The following CHRNB1 variants were observed in gnomAD, a reference collection of about 807,000 sequenced individuals.
The protein encoded by CHRNB1 is acetylcholine receptor subunit beta.
A neutral mutation model predicts 53.8 loss-of-function variants in CHRNB1; 47 were observed. The ratio of observed to expected loss-of-function variants is 0.87; its 90% CI spans 0.69 to 1.11. The LOEUF is 1.11. Among genes scored for constraint, CHRNB1 ranks in the 50% most tolerant of loss-of-function variants. The pLI, the probability that CHRNB1 is intolerant of heterozygous loss-of-function variation, is 0.00. For missense variants in CHRNB1, 605 were observed against 654.9 expected (o/e 0.92, Z 0.83); for synonymous variants, 259 against 263.5 (o/e 0.98, Z 0.16).
Position 7,448,647 on chromosome 17 carries a change from G to C in CHRNB1, c.679G>C (p.Gly227Arg). Residue 227 changes from glycine to arginine, a missense_variant, in exon 7 of 11, where the codon GGG (glycine) becomes CGG (arginine). Physicochemically the swap from Gly to Arg is moderately radical, Grantham distance 125 (BLOSUM62 -2). Transcript: ENST00000306071. ...LIQPPGDPRG[G>R]REGQRQEVIF... ...CCAGCCTCCAGGCGATCCTAGGGGAGGGAGGGAAGGACAGCGCCAGGAAGT... is the reference window on the plus strand; with the variant it reads ...CCAGCCTCCAGGCGATCCTAGGGGACGGAGGGAAGGACAGCGCCAGGAAGT... 6.2e-7 allele frequency: 1 copy of C among 1,614,132 alleles called. No individual in the cohort carries two copies. The highest frequency in any genetic ancestry group is 1.6e-4 in the Middle Eastern group (1 of 6,062).
At chr17:7,456,399 C>A (rs983750366) in intron 10 of CHRNB1, among the ~76,000 whole-genome samples, 184 bp from the exon 11 acceptor site, 1 of 152,078 alleles carries the variant, frequency 6.6e-6, no homozygotes, top group Non-Finnish European at 1.5e-5. Flanking sequence ...GGTCCCACCC[C>A]CTGCTTACCT....
chr17:7,449,548 C>T (rs1377521093), intron 7 of CHRNB1, among the ~76,000 whole-genome samples: 1 of 151,584 alleles, frequency 6.6e-6, no homozygotes, highest in African/African-American at 2.4e-5. Context: ...ACTGAGACCA[C>T]AAGCACCCAC....
At chr17:7,449,466 G>T (rs992225746) in intron 7 of CHRNB1, among the ~76,000 whole-genome samples, 1 of 143,876 alleles carries the variant, frequency 7.0e-6, no homozygotes, top group African/African-American at 2.6e-5. Flanking sequence ...GGAGTGCAGT[G>T]GTGTGATCAT....
Position 7,457,311 on chromosome 17 carries a change from C to G in CHRNB1, c.*588C>G, listed in dbSNP as rs1236122993. On this transcript the variant is annotated 3_prime_UTR_variant, in exon 11 of 11. Transcript: ENST00000306071. ...CAGCCTGGGCAACAAGAGCGAAACT[C>G]CATCTCAAAAAAAAAAAAGTGTCTT... 1 of 156,496 alleles carries G rather than the reference C, an allele frequency of 6.4e-6. No homozygotes were observed. The highest frequency in any genetic ancestry group is 1.4e-5 in the Non-Finnish European group (1 of 70,842). The allele number at this position is 156,496 out of a possible 1,614,324, so 9.7% of individuals were successfully genotyped here. A position where few individuals can be genotyped will look rare whatever the true frequency, so the allele number is the denominator to read the frequency against.
In CHRNB1 at chr17:7,446,084, G is replaced by A. The variant is rs1908599255; in HGVS notation, c.214G>A (p.Glu72Lys). ...TCCCTTCTAGAACGAGAAGGATGAA[G>A]AGATGAGCACAAAGGTGTACTTAGA... ...QLISLNEKDE[E>K]MSTKVYLDLE... The change falls in exon 3 of 11, where the codon GAG becomes AAG. Residue 72 changes from glutamate to lysine, a missense_variant. Physicochemically the swap from Glu to Lys is moderately conservative, Grantham distance 56. Coordinates refer to ENST00000306071, the MANE Select transcript of CHRNB1 (RefSeq NM_000747.3). 2 of 1,614,078 alleles carry A rather than the reference G, an allele frequency of 1.2e-6. No homozygotes were observed. The highest frequency in any genetic ancestry group is 1.7e-6 in the Non-Finnish European group (2 of 1,179,984).
At position 7,456,235 on chromosome 17, in the gene CHRNB1, G is replaced by T. The variant is rs542582636; in HGVS notation, c.1365+294G>T. Reference sequence around the variant, plus strand: ...CGCCTGGCTAATTTTTGTATTTTTAGTAGAGACGTGGCTTCACCATGTTGG... The same window carrying T: ...CGCCTGGCTAATTTTTGTATTTTTATTAGAGACGTGGCTTCACCATGTTGG... On this transcript the variant is annotated intron_variant, in intron 10 of 10. Transcript: ENST00000306071. Among the ~76,000 whole-genome samples the T allele has an allele frequency of 5.9e-5, 9 of 151,868 alleles. No individual in the cohort carries two copies. In the South Asian group the frequency reaches 1.9e-3, roughly 32 times the overall value.
Position 7,447,101 on chromosome 17 carries a change from T to A in CHRNB1, c.412T>A (p.Ser138Thr). 1 of 1,614,154 alleles carries A rather than the reference T, an allele frequency of 6.2e-7. No individual in the cohort carries two copies. Among genetic ancestry groups the A allele is most frequent in the Non-Finnish European group, 8.5e-7 (1 of 1,180,026 alleles). The change falls in exon 5 of 11, where the codon TCC (serine) becomes ACC (threonine). Residue 138 changes from serine to threonine, a missense_variant. Ser to Thr is a moderately conservative substitution (Grantham distance 58). Coordinates refer to ENST00000306071, the MANE Select transcript of CHRNB1 (RefSeq NM_000747.3). Reference protein sequence around the residue: ...DISVVVSSDGSVRWQPPGIYR... With the variant: ...DISVVVSSDGTVRWQPPGIYR... ...TAGCGTCGTGGTGTCCTCCGACGGC[T>A]CCGTGCGTTGGCAACCCCCGGGCAT...
chr17:7,447,306 G>A, intron 5 of CHRNB1, 155 bp downstream of exon 5: 1 of 909,312 alleles, frequency 1.1e-6, no homozygotes, highest in Non-Finnish European at 1.8e-6. Flanking sequence ...TTTCCATTGA[G>A]TGTTCTGTAC....
chr17:7,454,334 C>G lies in CHRNB1; in HGVS notation c.858C>G (p.Thr286=), dbSNP rs1441110163. The G allele has an allele frequency of 6.2e-7, 1 of 1,614,152 alleles. No individual in the cohort carries two copies. The highest frequency in any genetic ancestry group is 1.1e-5 in the South Asian group (1 of 91,080). ...GGCTCTCAATCTTTGCCCTGCTGAC[C>G]CTTACTGTGTTCCTGCTGCTGCTGG... ...KMGLSIFALL[T]LTVFLLLLAD... Residue 286 remains threonine (T), a synonymous_variant, in exon 8 of 11, where the codon ACC becomes ACG. Transcript: ENST00000306071.
intron 7 of CHRNB1, among the ~76,000 whole-genome samples, chr17:7,450,220 T>TGCAAC (rs1232329006): frequency 6.6e-6 from 1 of 151,454 alleles, no homozygotes; most frequent in African/African-American, 2.4e-5. Flanking sequence ...CTTGGCTCAC[T>TGCAAC]GCAACCTCCA....
chr17:7,454,194 A>T lies in CHRNB1; in HGVS notation c.821-103A>T, dbSNP rs545462132. On this transcript the variant is annotated intron_variant, in intron 7 of 10. Coordinates refer to ENST00000306071, the MANE Select transcript of CHRNB1 (RefSeq NM_000747.3). ...GGTGTGAACCACTGTGCCTGGCTGT[A>T]GAAATCTGTCTTTGAATGGCCTGGA... is the stretch of plus-strand genomic sequence containing the variant. 3 of 1,024,594 alleles carry T rather than the reference A, an allele frequency of 2.9e-6. No homozygotes were observed. The African/African-American group carries it at 4.7e-5, about 16-fold the overall frequency. The allele number at this position is 1,024,594 out of a possible 1,614,324, so 63.5% of individuals were successfully genotyped here. A position where few individuals can be genotyped will look rare whatever the true frequency, so the allele number is the denominator to read the frequency against.
rs772191641 is a variant in CHRNB1 at position 7,455,927 on chromosome 17, G to T, written c.1351G>T (p.Glu451Ter). The change falls in exon 10 of 11, where the codon GAG becomes TAG. Residue 451 changes from glutamate (E) to a stop codon, truncating the protein, a stop_gained. Transcript: ENST00000306071. LOFTEE classifies it high-confidence loss of function. ...SYIARQLQEQ[E>*]DHDALKEDWQ... The stretch of plus-strand genomic sequence containing the variant: ...CATCGCTCGACAGCTGCAGGAACAG[G>T]AGGACCACGATGCGGTATGTCCAAC... 6.2e-7 allele frequency: 1 copy of T among 1,614,114 alleles called. No homozygotes were observed. Among genetic ancestry groups the T allele is most frequent in the Non-Finnish European group, 8.5e-7 (1 of 1,180,036 alleles).
chr17:7,455,965 A>T (rs991905008), intron 10 of CHRNB1, 24 bp downstream of exon 10: 1 of 1,613,114 alleles, frequency 6.2e-7, no homozygotes, highest in Non-Finnish European at 8.5e-7. Flanking sequence ...GGGTGGAACA[A>T]GGCCAGGTCT....
rs2069945541 is a variant in CHRNB1, at chr17:7,455,929, G to A, written c.1353G>A (p.Glu451=). 6.2e-7 allele frequency: 1 copy of A among 1,614,134 alleles called. No individual in the cohort carries two copies. Among genetic ancestry groups the A allele is most frequent in the Non-Finnish European group, 8.5e-7 (1 of 1,180,030 alleles). The stretch of plus-strand genomic sequence containing the variant: ...TCGCTCGACAGCTGCAGGAACAGGA[G>A]GACCACGATGCGGTATGTCCAACGG... ...SYIARQLQEQ[E]DHDALKEDWQ... The change falls in exon 10 of 11, where the codon GAG becomes GAA. Residue 451 remains glutamate, a synonymous_variant. Coordinates refer to ENST00000306071, the MANE Select transcript of CHRNB1 (RefSeq NM_000747.3).
rs1362533670 is a variant in CHRNB1, at chr17:7,456,684, C to T, written c.1467C>T (p.Asp489=). 3.7e-6 allele frequency: 6 copies of T among 1,614,132 alleles called. No homozygotes were observed. Among genetic ancestry groups the T allele is most frequent in the Non-Finnish European group, 4.2e-6 (5 of 1,180,046 alleles). Residue 489 remains aspartate (D), a synonymous_variant, in exon 11 of 11, where the codon GAC becomes GAT. Coordinates refer to ENST00000306071, the MANE Select transcript of CHRNB1 (RefSeq NM_000747.3). ...TTGGGACCCTAGTCATCTTCCTGGACGCCACGTACCACTTGCCCCCTCCAG... is the reference window on the plus strand; with the variant it reads ...TTGGGACCCTAGTCATCTTCCTGGATGCCACGTACCACTTGCCCCCTCCAG... ...TSVGTLVIFL[D]ATYHLPPPDP...
rs779475593 is a variant in CHRNB1 at position 7,445,325 on chromosome 17, T to C, written c.114T>C (p.Tyr38=). Residue 38 remains tyrosine (Y), a synonymous_variant, in exon 2 of 11, where the codon TAT becomes TAC. Transcript: ENST00000306071. This position sits in a 1 kb window ranked among gnomAD's most constrained non-coding sequence, Gnocchi z 5.7. ...TCCGGGAGAAACTTTTCTCTGGCTA[T>C]GATAGCTCCGTGCGGCCAGCGCGGG... ...GRLREKLFSG[Y]DSSVRPAREV... 1.9e-6 allele frequency: 3 copies of C among 1,613,126 alleles called. No individual in the cohort carries two copies. Among genetic ancestry groups the C allele is most frequent in the African/African-American group, 1.3e-5 (1 of 75,046 alleles).
In CHRNB1 at chr17:7,456,838, ATTTCG is replaced by A; in HGVS notation, c.*120_*124del. The A allele has an allele frequency of 7.0e-7, 1 of 1,435,254 alleles. No individual in the cohort carries two copies. The highest frequency in any genetic ancestry group is 1.4e-5 in the African/African-American group (1 of 71,140). 88.9% of individuals were successfully genotyped at this position (1,435,254 alleles called of 1,614,324 possible). On this transcript the variant is annotated 3_prime_UTR_variant, in exon 11 of 11. Transcript: ENST00000306071. ...CCTTCACGAGGAATCTGGGCCTCTT[ATTTCG>A]TTTCTGGGGACTGCATTGGACTGAG... is the stretch of plus-strand genomic sequence containing the variant.
chr17:7,455,196 A>C, intron 8 of CHRNB1, 88 bp from the exon 9 acceptor site: 1 of 1,422,774 alleles, frequency 7.0e-7, no homozygotes. Context: ...ACGCGCGGGA[A>C]TGGGCATGTG....
In CHRNB1 at chr17:7,446,054, A is replaced by T; in HGVS notation, c.199-15A>T. 1 of 1,613,658 alleles carries T rather than the reference A, an allele frequency of 6.2e-7. No individual in the cohort carries two copies. The highest frequency in any genetic ancestry group is 8.5e-7 in the Non-Finnish European group (1 of 1,179,718). On this transcript the variant is annotated splice_polypyrimidine_tract_variant and intron_variant, in intron 2 of 10. Coordinates refer to ENST00000306071, the MANE Select transcript of CHRNB1 (RefSeq NM_000747.3). ...ACCCTACTTCACCTTTACGCCTTAA[A>T]TTTTTCCCTTCTAGAACGAGAAGGA...
Sources: allele counts gnomAD v4.1 joint callset (sites outside exome capture counted in the v4.1 genomes callset), GRCh38; gene constraint gnomAD v4.1.1; non-coding constraint Gnocchi (gnomAD v3.1); transcripts MANE v1.5; gene names NCBI Gene and HGNC (gene_info 2026-07-23, HGNC 2026-07-21).